The following SOX5 variants were observed in gnomAD, a reference collection of about 807,000 sequenced individuals.
SOX5 encodes SRY-box transcription factor 5, also known as transcription factor SOX-5.
Under a neutral mutation model 92.0 loss-of-function variants are expected in SOX5, and 9 were observed. That is an observed-to-expected ratio of 0.10 (90% confidence interval 0.06 to 0.17). The LOEUF is 0.17. Ranked by LOEUF, SOX5 falls within the 10% of genes least tolerant of loss-of-function variation. The probability of loss-of-function intolerance (pLI) is 1.00; values close to 1 mark genes in which losing one functional copy is unlikely to be tolerated. For synonymous variants in SOX5, 344 were observed against 336.3 expected (o/e 1.02, Z -0.25); for missense variants, 642 against 944.5 (o/e 0.68, Z 4.20).
chr12:24,335,321 T>C (rs1158080249), intron 2 of SOX5, among the ~76,000 whole-genome samples: 1 of 152,192 alleles, frequency 6.6e-6, no homozygotes, highest in African/African-American at 2.4e-5. Flanking sequence ...CATTACACAA[T>C]TAAAAAAATC....
At chr12:24,239,796 T>G (rs1367837694) in intron 3 of SOX5, among the ~76,000 whole-genome samples, 4 of 152,226 alleles carry the variant, frequency 2.6e-5, no homozygotes, top group African/African-American at 9.6e-5. Context: ...GTATAGGGTC[T>G]GAAGACATTT....
chr12:23,548,335 G>A (rs1943534456), intron 11 of SOX5, among the ~76,000 whole-genome samples: 1 of 152,008 alleles, frequency 6.6e-6, no homozygotes, highest in African/African-American at 2.4e-5. Context: ...GAGCAGGAAA[G>A]TCACACTCAG....
chr12:24,351,735 G>A (rs1433825181), intron 2 of SOX5, among the ~76,000 whole-genome samples: 1 of 152,166 alleles, frequency 6.6e-6, no homozygotes, highest in South Asian at 2.1e-4. Flanking sequence ...GAGTCACAGA[G>A]CAACAACTAG....
chr12:23,942,166 C>T (rs1018314136), intron 1 of SOX5, among the ~76,000 whole-genome samples: 1 of 151,674 alleles, frequency 6.6e-6, no homozygotes, highest in East Asian at 1.9e-4. Context: ...TAAAGTATTA[C>T]TTTTTTATCT....
intron 4 of SOX5, chr12:24,212,513 G>A (rs770987122): frequency 5.6e-6 from 3 of 531,368 alleles, no homozygotes; most frequent in South Asian, 4.2e-5. Context: ...TTACAAGGAA[G>A]GAAGGATTAC....
intron 9 of SOX5, among the ~76,000 whole-genome samples, chr12:23,593,083 AT>A (rs1475405029): frequency 0.019 from 456 of 23,702 alleles, 5 homozygotes; most frequent in Middle Eastern, 0.12. Flanking sequence ...TGTCTCAAAA[AT>A]AAATAAATAA....
chr12:24,457,698 A>G (rs1773754440), intron 1 of SOX5, among the ~76,000 whole-genome samples: 1 of 152,228 alleles, frequency 6.6e-6, no homozygotes, highest in African/African-American at 2.4e-5. Context: ...ATAAACAAAA[A>G]TGGAAAATAA....
chr12:23,991,019 G>C (rs1234389709), intron 4 of SOX5, among the ~76,000 whole-genome samples: 1 of 150,420 alleles, frequency 6.6e-6, no homozygotes, highest in East Asian at 1.9e-4. Context: ...CAAAATCCTA[G>C]AGGCCAAATG....
intron 4 of SOX5, among the ~76,000 whole-genome samples, chr12:23,992,646 A>AATGC (rs2136277489): frequency 6.6e-6 from 1 of 152,256 alleles, no homozygotes; most frequent in Non-Finnish European, 1.5e-5. Flanking sequence ...CACTCTGAAG[A>AATGC]ATGCATGTAT....
chr12:24,276,378 A>C (rs116240955), intron 3 of SOX5, among the ~76,000 whole-genome samples: 1 of 152,206 alleles, frequency 6.6e-6, no homozygotes, highest in Non-Finnish European at 1.5e-5. Flanking sequence ...TGGTGGGAAC[A>C]TAAGTCATAA....
intron 2 of SOX5, among the ~76,000 whole-genome samples, chr12:24,294,262 C>T (rs1429772109): frequency 6.6e-6 from 1 of 151,888 alleles, no homozygotes; most frequent in African/African-American, 2.4e-5. Flanking sequence ...TTACAGCTGC[C>T]TCATCAGTAA....
chr12:24,456,250 G>C (rs961115461), intron 1 of SOX5, among the ~76,000 whole-genome samples: 1 of 152,084 alleles, frequency 6.6e-6, no homozygotes, highest in African/African-American at 2.4e-5. Context: ...TTAGTCCCAG[G>C]ACCAGAGCCT....
Position 23,880,914 on chromosome 12 carries a change from C to T in SOX5, c.270+14879G>A, listed in dbSNP as rs896242692. 1.1e-4 allele frequency among the ~76,000 whole-genome samples: 16 copies of T among 152,330 alleles called. No individual in the cohort carries two copies. In the South Asian group the frequency reaches 1.4e-3, roughly 14 times the overall value. ...ATATAAACATAACATTTTTAGAACA[C>T]TGAATAAAATCGTTTTTTCTACCCA... On this transcript the variant is annotated intron_variant, in intron 2 of 14. Coordinates refer to ENST00000451604, the MANE Select transcript of SOX5 (RefSeq NM_006940.6).
At chr12:24,061,380 C>G (rs1187326808) in intron 4 of SOX5, among the ~76,000 whole-genome samples, 1 of 151,680 alleles carries the variant, frequency 6.6e-6, no homozygotes, top group Non-Finnish European at 1.5e-5. Flanking sequence ...AGCCAGCACA[C>G]CAAACCATCC....
chr12:24,271,094 T>C (rs915878451), intron 3 of SOX5, among the ~76,000 whole-genome samples: 2 of 152,224 alleles, frequency 1.3e-5, no homozygotes, highest in African/African-American at 4.8e-5. Context: ...TACTAGGTAC[T>C]GTATCTAAAA....
chr12:24,463,198 C>A (rs1943838584), intron 1 of SOX5, among the ~76,000 whole-genome samples: 1 of 151,368 alleles, frequency 6.6e-6, no homozygotes, highest in Non-Finnish European at 1.5e-5. Context: ...CATAGTGAGA[C>A]CTTGTTTCAA....
chr12:24,429,876 A>G (rs1054536613), intron 1 of SOX5, among the ~76,000 whole-genome samples: 6 of 152,212 alleles, frequency 3.9e-5, no homozygotes, highest in African/African-American at 1.4e-4. Flanking sequence ...TTCATACCCT[A>G]TATGACCATG....
At chr12:24,318,577 T>C (rs1028302471) in intron 2 of SOX5, among the ~76,000 whole-genome samples, 4 of 152,214 alleles carry the variant, frequency 2.6e-5, no homozygotes, top group Non-Finnish European at 5.9e-5. Flanking sequence ...CTATTATTAG[T>C]TGAATCTAAG....
At chr12:24,292,687 G>A (rs1416494271) in intron 2 of SOX5, among the ~76,000 whole-genome samples, 1 of 152,180 alleles carries the variant, frequency 6.6e-6, no homozygotes, top group Non-Finnish European at 1.5e-5. Flanking sequence ...TCTTAGTTAA[G>A]AAAAGTTTCT....
Sources: allele counts gnomAD v4.1 joint callset (sites outside exome capture counted in the v4.1 genomes callset), GRCh38; gene constraint gnomAD v4.1.1; transcripts MANE v1.5; gene names NCBI Gene and HGNC (gene_info 2026-07-23, HGNC 2026-07-21).